SENP7: variants seen among roughly 807,000 people sequenced by gnomAD.
SENP7 encodes sentrin-specific protease 7.
A neutral mutation model predicts 141.2 loss-of-function variants in SENP7; 64 were observed. The ratio of observed to expected loss-of-function variants is 0.45; its 90% confidence interval spans 0.37 to 0.56. SENP7 has a LOEUF of 0.56. SENP7 is among the 20% of genes least tolerant of loss of function. The pLI, the probability that SENP7 is intolerant of heterozygous loss-of-function variation, is 0.00. For missense variants in SENP7, 1,025 were observed against 1,212.2 expected, an observed-to-expected ratio of 0.85 and a Z score of 2.29; for synonymous variants, 382 against 426.4, an observed-to-expected ratio of 0.90 and a Z score of 1.28.
chr3:101,409,770 T>C (rs1322066641), intron 5 of SENP7, among the ~76,000 whole-genome samples: 1 of 152,190 alleles, frequency 6.6e-6, no homozygotes, highest in Admixed American at 6.5e-5. Flanking sequence ...TCTCTCACCT[T>C]GTACAAAAAT....
chr3:101,395,096 G>T (rs1013802636), intron 6 of SENP7, among the ~76,000 whole-genome samples: 1 of 152,174 alleles, frequency 6.6e-6, no homozygotes, highest in African/African-American at 2.4e-5. Flanking sequence ...CATTCTGGAA[G>T]TTGTCTCTTT....
chr3:101,422,460 C>T (rs1357139976), intron 4 of SENP7, among the ~76,000 whole-genome samples: 1 of 152,114 alleles, frequency 6.6e-6, no homozygotes, highest in Non-Finnish European at 1.5e-5. Context: ...GAACTGTTTA[C>T]CTTTTAGTCA....
chr3:101,400,280 CTT>C lies in SENP7; in HGVS notation c.483-1227_483-1226del, dbSNP rs1160269515. Among the ~76,000 whole-genome samples, 19 of 152,286 alleles carry C rather than the reference CTT, an allele frequency of 1.2e-4. No individual in the cohort carries two copies. In the East Asian group the frequency reaches 3.7e-3, roughly 29 times the overall value. On this transcript the variant is annotated intron_variant, in intron 5 of 23. Transcript: ENST00000394095. ...TGCCACTAGCAATACTTTACTTATA[CTT>C]TGTTTGTAAGAAACAATATATAGAA...
intron 1 of SENP7, among the ~76,000 whole-genome samples, chr3:101,509,067 T>C (rs558224886): frequency 6.6e-6 from 1 of 152,246 alleles, no homozygotes; most frequent in East Asian, 1.9e-4. Flanking sequence ...TGTTCTTTGA[T>C]GTCATCCCTC....
At chr3:101,373,059 T>G (rs1253721752) in intron 6 of SENP7, among the ~76,000 whole-genome samples, 1 of 152,032 alleles carries the variant, frequency 6.6e-6, no homozygotes, top group Non-Finnish European at 1.5e-5. Context: ...AGAGAATTAT[T>G]TGGAAGGCTA....
At chr3:101,501,507 A>G (rs1254939010) in intron 1 of SENP7, among the ~76,000 whole-genome samples, 1 of 152,180 alleles carries the variant, frequency 6.6e-6, no homozygotes, top group African/African-American at 2.4e-5. Context: ...GTGAAATTCT[A>G]GAAGTTAGAA....
At chr3:101,488,808 C>T (rs2064838613) in intron 3 of SENP7, among the ~76,000 whole-genome samples, 1 of 152,192 alleles carries the variant, frequency 6.6e-6, no homozygotes, top group African/African-American at 2.4e-5. Context: ...CACCACTGTA[C>T]TCCAGCCTGG....
At chr3:101,373,487 A>G (rs2107447318) in intron 6 of SENP7, among the ~76,000 whole-genome samples, 1 of 152,300 alleles carries the variant, frequency 6.6e-6, no homozygotes, top group East Asian at 1.9e-4. Context: ...AAAGATGCTT[A>G]GGTACTTATG....
In SENP7 at chr3:101,337,565, G is replaced by GA; in HGVS notation, c.2423dup (p.Tyr809LeufsTer2). ...TTTCCTTTCTTGTCAAGCATTTATA[G>GA]AAAAAGCTACTAAAAATGTGACTTC... On this transcript the variant is annotated frameshift_variant, in exon 17 of 24. Transcript: ENST00000394095. LOFTEE classifies it high-confidence loss of function. 6.3e-7 allele frequency: 1 copy of GA among 1,587,784 alleles called. No homozygotes were observed. Among genetic ancestry groups the GA allele is most frequent in the East Asian group, 2.3e-5 (1 of 44,424 alleles).
intron 4 of SENP7, among the ~76,000 whole-genome samples, chr3:101,444,832 C>G (rs865819607): frequency 1.3e-5 from 2 of 151,154 alleles, no homozygotes; most frequent in South Asian, 4.2e-4. Context: ...GCATGGCACA[C>G]GTATACATAT....
In SENP7 at chr3:101,366,707, A is replaced by G. The variant is rs1197811883; in HGVS notation, c.1041T>C (p.His347=). 3.7e-6 allele frequency: 6 copies of G among 1,612,356 alleles called. 1 individual carries two copies. The Admixed American group carries it at 1.0e-4, about 27-fold the overall frequency. Residue 347 remains histidine, a synonymous_variant, in exon 9 of 24, where the codon CAT becomes CAC. Coordinates refer to ENST00000394095, the MANE Select transcript of SENP7 (RefSeq NM_020654.5). ...TEFEKPSENY[H]QDPKLPEEIT... ...TTTCTTCAGGCAGTTTTGGATCCTG[A>G]TGATAGTTTTCACTTGGCTTTTCAA...
chr3:101,407,208 T>C (rs1410527233), intron 5 of SENP7, among the ~76,000 whole-genome samples: 1 of 152,176 alleles, frequency 6.6e-6, no homozygotes, highest in East Asian at 1.9e-4. Context: ...AGGGGCATTA[T>C]ATAAGGACAA....
intron 1 of SENP7, among the ~76,000 whole-genome samples, chr3:101,504,998 G>A (rs559432990): frequency 6.6e-6 from 1 of 152,082 alleles, no homozygotes; most frequent in Non-Finnish European, 1.5e-5. Context: ...CCAGGAGGTC[G>A]AGGCTGCAGT....
intron 4 of SENP7, among the ~76,000 whole-genome samples, chr3:101,456,175 G>A (rs2063346379): frequency 6.6e-6 from 1 of 151,326 alleles, no homozygotes; most frequent in Non-Finnish European, 1.5e-5. Flanking sequence ...ATATATATGT[G>A]TCTTTGGTAC....
At chr3:101,348,450 G>C (rs575304334) in intron 12 of SENP7, among the ~76,000 whole-genome samples, 6 of 152,204 alleles carry the variant, frequency 3.9e-5, no homozygotes, top group Middle Eastern at 3.4e-3. Context: ...ATGTCTATCA[G>C]TGCAGAAAAC....
chr3:101,412,912 A>C (rs2061495661), intron 5 of SENP7, among the ~76,000 whole-genome samples: 1 of 152,016 alleles, frequency 6.6e-6, no homozygotes, highest in Admixed American at 6.5e-5. Context: ...TATTTCTAAA[A>C]CTCTTTTGAT....
At chr3:101,508,148 T>C (rs2065703554) in intron 1 of SENP7, among the ~76,000 whole-genome samples, 1 of 152,080 alleles carries the variant, frequency 6.6e-6, no homozygotes, top group Non-Finnish European at 1.5e-5. Context: ...TAGAATACTC[T>C]GATTCTTGGT....
rs180978010 is a variant in SENP7, at chr3:101,419,653, C to T, written c.285-1863G>A. ...TGAGAAGCAGGAAAGGGTTTTTAGTCAGTTACTGGTTGATTAGTTAAAGAT... is the reference window on the plus strand; with the variant it reads ...TGAGAAGCAGGAAAGGGTTTTTAGTTAGTTACTGGTTGATTAGTTAAAGAT... On this transcript the variant is annotated intron_variant, in intron 4 of 23. Transcript: ENST00000394095. Among the ~76,000 whole-genome samples the T allele has an allele frequency of 2.0e-5, 3 of 152,148 alleles. No individual in the cohort carries two copies. The East Asian group carries it at 5.8e-4, about 29-fold the overall frequency.
At chr3:101,354,846 T>A (rs1230730976) in intron 11 of SENP7, among the ~76,000 whole-genome samples, 1 of 152,014 alleles carries the variant, frequency 6.6e-6, no homozygotes, top group African/African-American at 2.4e-5. Flanking sequence ...CTAATTTGCA[T>A]CCCCCAACAA....
Sources: gnomAD v4.1 joint callset for allele counts (sites outside exome capture counted in the v4.1 genomes callset) on GRCh38, gnomAD v4.1.1 for gene constraint, MANE v1.5 for transcripts, NCBI Gene and HGNC (gene_info 2026-07-23, HGNC 2026-07-21) for gene names.